The following DGKB variants were observed in gnomAD, a reference collection of about 807,000 sequenced individuals.
DGKB encodes the protein diacylglycerol kinase beta.
Under a neutral mutation model 114.3 loss-of-function variants are expected in DGKB, and 67 were observed. The ratio of observed to expected loss-of-function variants is 0.59; its 90% CI spans 0.48 to 0.72. The LOEUF (loss-of-function observed/expected upper bound fraction) is 0.72, where lower values mean the gene tolerates loss of function less well. Among genes scored for constraint, DGKB ranks in the 30% least tolerant of loss-of-function variants. The probability of loss-of-function intolerance (pLI) is 0.00; values close to 1 mark genes in which losing one functional copy is unlikely to be tolerated. For synonymous variants in DGKB, 398 were observed against 323.1 expected, an observed-to-expected ratio of 1.23 and a Z score of -2.49; for missense variants, 907 against 975.2, an observed-to-expected ratio of 0.93 and a Z score of 0.93.
chr7:14,418,392 T>TATAC (rs1554421158), intron 21 of DGKB, among the ~76,000 whole-genome samples: 21 of 137,076 alleles, frequency 1.5e-4, no homozygotes, highest in Non-Finnish European at 2.6e-4. Context: ...TATATATATA[T>TATAC]ACACACACAC....
At chr7:14,391,595 A>C (rs1398214575) in intron 21 of DGKB, among the ~76,000 whole-genome samples, 1 of 151,960 alleles carries the variant, frequency 6.6e-6, no homozygotes, top group African/African-American at 2.4e-5. Flanking sequence ...GCTACTCAGG[A>C]AGCTGAGGTG....
At chr7:14,800,776 G>T (rs1252989329) in intron 2 of DGKB, among the ~76,000 whole-genome samples, 1 of 152,134 alleles carries the variant, frequency 6.6e-6, no homozygotes, top group Admixed American at 6.5e-5. Context: ...AACAGGCAAA[G>T]AATTGAGTTA....
chr7:14,782,917 C>T (rs923592206), intron 2 of DGKB, among the ~76,000 whole-genome samples: 5 of 151,986 alleles, frequency 3.3e-5, no homozygotes, highest in Admixed American at 6.6e-5. Flanking sequence ...CCTTCTGCCT[C>T]GAAATTCTGG....
At chr7:14,609,233 T>A (rs768635606) in intron 16 of DGKB, among the ~76,000 whole-genome samples, 2 of 151,876 alleles carry the variant, frequency 1.3e-5, no homozygotes, top group Middle Eastern at 6.4e-3. Flanking sequence ...AACTCAGAAA[T>A]AAAGCTGCAA....
chr7:14,254,022 G>A (rs555422287), intron 23 of DGKB, among the ~76,000 whole-genome samples: 2 of 152,310 alleles, frequency 1.3e-5, no homozygotes, highest in South Asian at 2.1e-4. Context: ...TCAATATTAT[G>A]TGGGTCTCAC....
intron 1 of DGKB, among the ~76,000 whole-genome samples, chr7:14,950,438 A>C (rs1014448160): frequency 6.6e-6 from 1 of 151,948 alleles, no homozygotes; most frequent in African/African-American, 2.4e-5. Flanking sequence ...TGGAGAACAA[A>C]AAAGCTGTAG....
At chr7:14,334,832 G>C (rs1810389003) in intron 23 of DGKB, among the ~76,000 whole-genome samples, 1 of 152,102 alleles carries the variant, frequency 6.6e-6, no homozygotes, top group Non-Finnish European at 1.5e-5. Flanking sequence ...CATGGGAAAG[G>C]TCGAATATTA....
At chr7:14,724,932 G>A (rs1254513085) in intron 5 of DGKB, among the ~76,000 whole-genome samples, 2 of 152,162 alleles carry the variant, frequency 1.3e-5, no homozygotes, top group South Asian at 4.1e-4. Context: ...TGTTTTGGGA[G>A]GCCAAGGCAA....
chr7:14,585,210 T>C (rs1800555978), intron 17 of DGKB, among the ~76,000 whole-genome samples: 1 of 152,190 alleles, frequency 6.6e-6, no homozygotes, highest in Admixed American at 6.5e-5. Flanking sequence ...GTTGCAAATA[T>C]TTTATTCGGT....
At chr7:14,800,152 A>G (rs535936504) in intron 2 of DGKB, among the ~76,000 whole-genome samples, 1 of 152,222 alleles carries the variant, frequency 6.6e-6, no homozygotes, top group African/African-American at 2.4e-5. Flanking sequence ...TCTTGACCTC[A>G]TGATCCGCCC....
intron 23 of DGKB, among the ~76,000 whole-genome samples, chr7:14,181,064 A>AAAAT (rs1302630830): frequency 4.6e-5 from 7 of 152,316 alleles, no homozygotes; most frequent in Admixed American, 3.3e-4. Context: ...AAAATATAAA[A>AAAAT]AAATAAAGTA....
At position 14,190,316 on chromosome 7, in the gene DGKB, G is replaced by A. The variant is rs1019106030; in HGVS notation, c.2123-12165C>T. On this transcript the variant is annotated intron_variant, in intron 23 of 25. Transcript: ENST00000402815. ...CAATGGGTCAGTGAGTAAGTTAAAA[G>A]AAAATTAAAATTTTCTTGAGACAAA... Among the ~76,000 whole-genome samples the A allele has an allele frequency of 1.6e-4, 24 of 152,138 alleles. No homozygotes were observed. The East Asian group carries it at 3.3e-3, about 21-fold the overall frequency.
At chr7:14,797,869 C>T (rs1306867739) in intron 2 of DGKB, among the ~76,000 whole-genome samples, 3 of 152,026 alleles carry the variant, frequency 2.0e-5, no homozygotes, top group Non-Finnish European at 4.4e-5. Context: ...TCCCACTGCC[C>T]GCAGCTTGGC....
intron 13 of DGKB, among the ~76,000 whole-genome samples, chr7:14,666,945 T>C (rs925692692): frequency 6.6e-6 from 1 of 152,036 alleles, no homozygotes. Context: ...TAGGGAATCA[T>C]TGTTTAATTT....
chr7:14,200,869 G>T (rs1785763052), intron 23 of DGKB, among the ~76,000 whole-genome samples: 1 of 151,980 alleles, frequency 6.6e-6, no homozygotes, highest in African/African-American at 2.4e-5. Context: ...AAAAAGTTGT[G>T]AGAAATTAGG....
chr7:14,677,384 A>G (rs1389377893), intron 12 of DGKB, among the ~76,000 whole-genome samples: 1 of 152,000 alleles, frequency 6.6e-6, no homozygotes, highest in Admixed American at 6.6e-5. Flanking sequence ...CACCTGTTAC[A>G]CTGGCCCCTA....
chr7:14,156,078 T>C (rs1372654584), intron 25 of DGKB, among the ~76,000 whole-genome samples: 1 of 151,986 alleles, frequency 6.6e-6, no homozygotes, highest in South Asian at 2.1e-4. Flanking sequence ...GTCAGAGAGG[T>C]AGGAGAAAAA....
At chr7:14,772,812 C>T (rs1837612777) in intron 2 of DGKB, among the ~76,000 whole-genome samples, 1 of 152,094 alleles carries the variant, frequency 6.6e-6, no homozygotes, top group African/African-American at 2.4e-5. Context: ...CCATTGTTTT[C>T]TTGTACTTGG....
At chr7:14,590,084 G>A (rs1039405705) in intron 17 of DGKB, among the ~76,000 whole-genome samples, 2 of 150,940 alleles carry the variant, frequency 1.3e-5, no homozygotes, top group African/African-American at 2.4e-5. Flanking sequence ...TGGGTGCAGC[G>A]CACCAGCATG....
Sources: gnomAD v4.1 joint callset for allele counts (sites outside exome capture counted in the v4.1 genomes callset) on GRCh38, gnomAD v4.1.1 for gene constraint, MANE v1.5 for transcripts, NCBI Gene and HGNC (gene_info 2026-07-23, HGNC 2026-07-21) for gene names.